The following EYA2 variants were observed in gnomAD, a reference collection of about 807,000 sequenced individuals.
The protein encoded by EYA2 is EYA transcriptional coactivator and phosphatase 2.
EYA2 carries 31 observed loss-of-function variants against 69.2 expected under a neutral mutation model. That is an observed-to-expected ratio of 0.45 (90% CI 0.34 to 0.60). EYA2 has a LOEUF of 0.60. Ranked by LOEUF, EYA2 falls within the 20% of genes least tolerant of loss-of-function variation. The pLI is 0.02. For synonymous variants in EYA2, 257 were observed against 279.4 expected, an observed-to-expected ratio of 0.92 and a Z score of 0.80; for missense variants, 622 against 701.2, an observed-to-expected ratio of 0.89 and a Z score of 1.28.
intron 5 of EYA2, among the ~76,000 whole-genome samples, chr20:47,047,166 T>A (rs2030082749): frequency 6.6e-6 from 1 of 152,150 alleles, no homozygotes; most frequent in South Asian, 2.1e-4. Context: ...GGGGGCTGTG[T>A]CTTATTCCCC....
intron 8 of EYA2, among the ~76,000 whole-genome samples, chr20:47,093,071 C>G (rs1226299298): frequency 6.6e-6 from 1 of 152,190 alleles, no homozygotes; most frequent in Non-Finnish European, 1.5e-5. Flanking sequence ...GAGACAGGGA[C>G]AAGAAACTGC....
chr20:47,034,583 C>G (rs969720963), intron 5 of EYA2, among the ~76,000 whole-genome samples: 3 of 152,170 alleles, frequency 2.0e-5, no homozygotes, highest in African/African-American at 4.8e-5. Context: ...CTTTGCAATT[C>G]AGAGGCCAGG....
intron 9 of EYA2, among the ~76,000 whole-genome samples, chr20:47,097,921 G>C (rs140994859): frequency 1.4e-4 from 22 of 152,336 alleles, no homozygotes; most frequent in African/African-American, 4.6e-4. Flanking sequence ...CATCTCCTCA[G>C]AGGTGAGTGA....
rs557289544 is a variant in EYA2, at chr20:47,184,240, T to C, written c.1536+849T>C. Among the ~76,000 whole-genome samples, 704 of 152,114 alleles carry C rather than the reference T, an allele frequency of 4.6e-3. 11 individuals carry two copies. The highest frequency in any genetic ancestry group is 0.016 in the African/African-American group (661 of 41,480). ...TGCTTCTGAGAGAGAAGGGGAGAAGTGATATTGAGGGGCAGCTGCCAGGGT... is the reference window on the plus strand; with the variant it reads ...TGCTTCTGAGAGAGAAGGGGAGAAGCGATATTGAGGGGCAGCTGCCAGGGT... On this transcript the variant is annotated intron_variant, in intron 15 of 15. Transcript: ENST00000327619.
chr20:46,952,423 C>T (rs1249724886), intron 1 of EYA2, among the ~76,000 whole-genome samples: 1 of 152,186 alleles, frequency 6.6e-6, no homozygotes, highest in Admixed American at 6.5e-5. Flanking sequence ...CTCATTTAAC[C>T]TCCTTTTAGA....
At chr20:46,983,672 C>G (rs540582612) in intron 1 of EYA2, among the ~76,000 whole-genome samples, 1 of 152,324 alleles carries the variant, frequency 6.6e-6, no homozygotes, top group Admixed American at 6.5e-5. Context: ...ATATGAGACT[C>G]ATACCTCTGT....
At chr20:46,996,468 A>G (rs1600622709) in intron 2 of EYA2, among the ~76,000 whole-genome samples, 1 of 152,344 alleles carries the variant, frequency 6.6e-6, no homozygotes, top group East Asian at 1.9e-4. Context: ...TTCCTTGACC[A>G]ACAATCAGAA....
chr20:46,909,076 G>A (rs1313343196), intron 1 of EYA2, among the ~76,000 whole-genome samples: 2 of 151,628 alleles, frequency 1.3e-5, no homozygotes, highest in Non-Finnish European at 2.9e-5. Flanking sequence ...CTCATCATGG[G>A]GAAAGGCAAG....
intron 9 of EYA2, among the ~76,000 whole-genome samples, chr20:47,099,397 A>C (rs994325788): frequency 6.6e-6 from 1 of 152,172 alleles, no homozygotes; most frequent in African/African-American, 2.4e-5. Context: ...CTGGTGTGAT[A>C]GTGTGTACCT....
intron 7 of EYA2, among the ~76,000 whole-genome samples, chr20:47,083,162 C>T (rs987475104): frequency 2.0e-5 from 3 of 151,866 alleles, no homozygotes; most frequent in Non-Finnish European, 4.4e-5. Context: ...TGTACTCCAG[C>T]CTGGATGACA....
chr20:47,143,055 G>T lies in EYA2; in HGVS notation c.889-4G>T, dbSNP rs752443976. On this transcript the variant is annotated splice_region_variant and splice_polypyrimidine_tract_variant and intron_variant, in intron 9 of 15. Coordinates refer to ENST00000327619, the MANE Select transcript of EYA2 (RefSeq NM_005244.5). ...ATGTGATTTTCCCCTTCTCTGCCTC[G>T]CAGGACACCACGACGTCCGTGCGCA... 15 of 1,612,328 alleles carry T rather than the reference G, an allele frequency of 9.3e-6. No individual in the cohort carries two copies. In the Middle Eastern group the frequency reaches 4.9e-4, roughly 53 times the overall value.
At chr20:46,925,290 TACTCAAGC>T (rs1239290117) in intron 1 of EYA2, among the ~76,000 whole-genome samples, 1 of 152,222 alleles carries the variant, frequency 6.6e-6, no homozygotes, top group East Asian at 1.9e-4. Flanking sequence ...AGCAGAAGTT[TACTCAAGC>T]ACTCAAGGGC....
intron 5 of EYA2, among the ~76,000 whole-genome samples, chr20:47,025,361 G>C (rs6066166): frequency 6.6e-6 from 1 of 152,124 alleles, no homozygotes; most frequent in African/African-American, 2.4e-5. Context: ...TTTCAAGAAA[G>C]CATTATCACA....
chr20:47,183,459 TC>T (rs1235226901), intron 15 of EYA2, 68 bp downstream of exon 15: 1 of 1,410,134 alleles, frequency 7.1e-7, no homozygotes, highest in Non-Finnish European at 9.8e-7. Context: ...CTTCAAGGGC[TC>T]CTTCCATGAT....
chr20:47,169,119 C>CTCTG lies in EYA2; in HGVS notation c.979-17_979-14dup. 2.5e-6 allele frequency: 4 copies of CTCTG among 1,610,750 alleles called. No individual in the cohort carries two copies. The highest frequency in any genetic ancestry group is 3.4e-6 in the Non-Finnish European group (4 of 1,177,588). On this transcript the variant is annotated intron_variant, in intron 10 of 15. Transcript: ENST00000327619. ...AGGCATGTTCTCTCTCTCTCTCTCT[C>CTCTG]TCTGTCAAATTTTCCATAGGATTGT...
chr20:46,952,461 G>A (rs1978860826), intron 1 of EYA2, among the ~76,000 whole-genome samples: 1 of 152,152 alleles, frequency 6.6e-6, no homozygotes, highest in Non-Finnish European at 1.5e-5. Context: ...AATAGCTTTG[G>A]CCGTTTGTTC....
intron 10 of EYA2, among the ~76,000 whole-genome samples, chr20:47,163,465 G>T (rs138269188): frequency 6.6e-6 from 1 of 151,984 alleles, no homozygotes; most frequent in Admixed American, 6.6e-5. Flanking sequence ...TTGGGAGTCC[G>T]AGGCAGGGGG....
chr20:47,011,125 G>A (rs1983031835), intron 4 of EYA2, among the ~76,000 whole-genome samples: 1 of 152,078 alleles, frequency 6.6e-6, no homozygotes, highest in South Asian at 2.1e-4. Context: ...ATCATTATAT[G>A]GATGGTGCTG....
intron 14 of EYA2, among the ~76,000 whole-genome samples, chr20:47,183,009 G>A (rs1442880668): frequency 3.3e-5 from 5 of 152,246 alleles, no homozygotes; most frequent in South Asian, 4.1e-4. Context: ...CTTCTACATC[G>A]GACAGCTGCA....
Sources: allele counts gnomAD v4.1 joint callset (sites outside exome capture counted in the v4.1 genomes callset), GRCh38; gene constraint gnomAD v4.1.1; transcripts MANE v1.5; gene names NCBI Gene and HGNC (gene_info 2026-07-23, HGNC 2026-07-21).